FOXP2: variants seen among roughly 807,000 people sequenced by gnomAD.
The protein encoded by FOXP2 is forkhead box P2.
In FOXP2, 12 loss-of-function variants were observed where a neutral mutation model predicts 115.8. That is an observed-to-expected ratio of 0.10 (90% CI 0.07 to 0.17). The LOEUF is 0.17. Ranked by LOEUF, FOXP2 falls within the 10% of genes least tolerant of loss-of-function variation. The probability of loss-of-function intolerance (pLI) is 1.00; values close to 1 mark genes in which losing one functional copy is unlikely to be tolerated. For synonymous variants in FOXP2, 328 were observed against 297.7 expected (o/e 1.10, Z -1.05); for missense variants, 629 against 843.5 (o/e 0.75, Z 3.15).
chr7:114,179,426 C>G (rs1324252431), intron 1 of FOXP2, among the ~76,000 whole-genome samples: 1 of 151,854 alleles, frequency 6.6e-6, no homozygotes, highest in African/African-American at 2.4e-5. Context: ...TACTATTTCC[C>G]ACTCTTGTCA....
intron 2 of FOXP2, among the ~76,000 whole-genome samples, chr7:114,300,722 A>C (rs1415740567): frequency 6.6e-6 from 1 of 152,036 alleles, no homozygotes; most frequent in Admixed American, 6.6e-5. Context: ...TGTGAATCAC[A>C]ACATCATTAG....
At chr7:114,212,425 T>TG (rs765449772) in intron 1 of FOXP2, among the ~76,000 whole-genome samples, 16 of 152,306 alleles carry the variant, frequency 1.1e-4, no homozygotes, top group Admixed American at 2.6e-4. Context: ...TGTGAATTGG[T>TG]GGTTTTTTAC....
chr7:114,249,513 C>G (rs1795380384), intron 1 of FOXP2, among the ~76,000 whole-genome samples: 1 of 152,092 alleles, frequency 6.6e-6, no homozygotes, highest in African/African-American at 2.4e-5. Context: ...TGGCTTCCAG[C>G]TCCATCCATG....
chr7:114,580,569 C>T (rs905417421), intron 3 of FOXP2, among the ~76,000 whole-genome samples: 13 of 151,430 alleles, frequency 8.6e-5, no homozygotes, highest in Non-Finnish European at 1.6e-4. Context: ...CAACAGAGTG[C>T]GACTCTGTCT....
chr7:114,549,160 G>T (rs1800078724), intron 3 of FOXP2, among the ~76,000 whole-genome samples: 1 of 152,120 alleles, frequency 6.6e-6, no homozygotes, highest in Non-Finnish European at 1.5e-5. Flanking sequence ...GACACATACT[G>T]CTGTGTTCTA....
intron 1 of FOXP2, among the ~76,000 whole-genome samples, chr7:114,258,308 A>T (rs557523664): frequency 6.6e-6 from 1 of 152,218 alleles, no homozygotes; most frequent in Admixed American, 6.5e-5. Context: ...TCCCTACATT[A>T]TACTGTGTTT....
intron 2 of FOXP2, among the ~76,000 whole-genome samples, chr7:114,321,134 A>G (rs1291604857): frequency 6.6e-6 from 1 of 152,036 alleles, no homozygotes; most frequent in African/African-American, 2.4e-5. Context: ...GAGTTAGGTA[A>G]CAAGGAGCCT....
chr7:114,607,351 A>T (rs1563030027), intron 3 of FOXP2, among the ~76,000 whole-genome samples: 2 of 152,200 alleles, frequency 1.3e-5, no homozygotes, highest in Admixed American at 6.5e-5. Context: ...ACATTCAAAG[A>T]GCACTGTACT....
At chr7:114,086,519 C>A, upstream of FOXP2, 1 of 388,258 alleles carries the variant, frequency 2.6e-6, no homozygotes, top group Admixed American at 3.1e-5. Context: ...AGCAGCTGCC[C>A]GGACTCGCGC....
At chr7:114,250,264 A>G (rs1795405696) in intron 1 of FOXP2, among the ~76,000 whole-genome samples, 1 of 152,156 alleles carries the variant, frequency 6.6e-6, no homozygotes, top group African/African-American at 2.4e-5. Flanking sequence ...ATACGTGGGC[A>G]TGTGTCTTTA....
intron 3 of FOXP2, among the ~76,000 whole-genome samples, chr7:114,541,801 G>A (rs941775862): frequency 1.3e-5 from 2 of 151,184 alleles, no homozygotes; most frequent in African/African-American, 2.4e-5. Context: ...GCTTCTTTCT[G>A]TAATCCATTA....
intron 2 of FOXP2, among the ~76,000 whole-genome samples, chr7:114,353,117 C>CA (rs374617660): frequency 6.6e-6 from 1 of 152,054 alleles, no homozygotes; most frequent in Non-Finnish European, 1.5e-5. Flanking sequence ...TTTAGCCCCA[C>CA]AAAAAAACTG....
chr7:114,348,498 G>A (rs1791401737), intron 2 of FOXP2, among the ~76,000 whole-genome samples: 1 of 151,732 alleles, frequency 6.6e-6, no homozygotes, highest in Non-Finnish European at 1.5e-5. Context: ...GTATTCTTAT[G>A]CATTTATATC....
chr7:114,325,056 T>TG, intron 2 of FOXP2, among the ~76,000 whole-genome samples: 1 of 152,028 alleles, frequency 6.6e-6, no homozygotes, highest in South Asian at 2.1e-4. Flanking sequence ...TACAAGTAGA[T>TG]TTATGTTCTT....
chr7:114,390,522 G>GTATGTATGTATGTATGTATGTATT (rs1554382697), intron 2 of FOXP2, among the ~76,000 whole-genome samples: 2 of 148,366 alleles, frequency 1.3e-5, no homozygotes, highest in African/African-American at 5.0e-5. Flanking sequence ...TTTTATTTAT[G>GTATGTATGTATGTATGTATGTATT]TATTTATTTA....
chr7:114,214,131 A>T (rs565756937), intron 1 of FOXP2, among the ~76,000 whole-genome samples: 1 of 152,306 alleles, frequency 6.6e-6, no homozygotes, highest in South Asian at 2.1e-4. Context: ...TGTTTGCTCC[A>T]TGTGAGATTT....
intron 2 of FOXP2, among the ~76,000 whole-genome samples, chr7:114,518,620 A>G (rs994620707): frequency 1.2e-4 from 18 of 152,014 alleles, no homozygotes; most frequent in African/African-American, 4.3e-4. Flanking sequence ...CTCCTGCCTC[A>G]GTCTCCTGAG....
intron 3 of FOXP2, among the ~76,000 whole-genome samples, chr7:114,592,611 T>A (rs1368825877): frequency 1.3e-5 from 2 of 152,034 alleles, no homozygotes; most frequent in Non-Finnish European, 2.9e-5. Context: ...TTCTCTAGAT[T>A]TACTTTCAAA....
At chr7:114,661,922 TATC>T in intron 13 of FOXP2, 140 bp from the exon 14 acceptor site, 2 of 1,027,270 alleles carry the variant, frequency 1.9e-6, no homozygotes, top group Non-Finnish European at 2.9e-6. Context: ...AGGTTTGTAA[TATC>T]ATGCCATATT....
Sources: gnomAD v4.1 joint callset for allele counts (sites outside exome capture counted in the v4.1 genomes callset) on GRCh38, gnomAD v4.1.1 for gene constraint, MANE v1.5 for transcripts, NCBI Gene and HGNC (gene_info 2026-07-23, HGNC 2026-07-21) for gene names.